MAST4: variants seen among roughly 807,000 people sequenced by gnomAD.
MAST4 encodes microtubule-associated serine/threonine-protein kinase 4.
MAST4 carries 89 observed loss-of-function variants against 162.7 expected under a neutral mutation model. The observed-to-expected ratio is 0.55, with a 90% CI of 0.46 to 0.65. The LOEUF (loss-of-function observed/expected upper bound fraction) is 0.65. Ranked by LOEUF, MAST4 falls within the 30% of genes least tolerant of loss-of-function variation. The probability of loss-of-function intolerance (pLI) is 0.00; values close to 1 mark genes in which losing one functional copy is unlikely to be tolerated. For missense variants in MAST4, 3,153 were observed against 3,374.0 expected (o/e 0.93, Z 1.62); for synonymous variants, 1,479 against 1,361.1 (o/e 1.09, Z -1.91).
intron 1 of MAST4, among the ~76,000 whole-genome samples, chr5:66,737,521 A>C (rs748972099): frequency 8.5e-5 from 13 of 152,178 alleles, no homozygotes; most frequent in Non-Finnish European, 1.8e-4. Context: ...TTGTCTGCCT[A>C]TTATAAGATC....
At chr5:66,823,721 C>A (rs955726724) in intron 3 of MAST4, among the ~76,000 whole-genome samples, 6 of 152,158 alleles carry the variant, frequency 3.9e-5, no homozygotes, top group African/African-American at 1.2e-4. Flanking sequence ...TCTCGAACTC[C>A]TGACCTCAGG....
At chr5:66,926,404 C>T (rs865973332) in intron 4 of MAST4, among the ~76,000 whole-genome samples, 5 of 151,884 alleles carry the variant, frequency 3.3e-5, no homozygotes, top group African/African-American at 7.3e-5. Flanking sequence ...AAAAATTAGC[C>T]GGCATGGTGG....
At chr5:66,878,851 C>T (rs1462569838) in intron 3 of MAST4, among the ~76,000 whole-genome samples, 2 of 152,122 alleles carry the variant, frequency 1.3e-5, no homozygotes, top group African/African-American at 4.8e-5. Context: ...TCTCCGTTGG[C>T]TTTAAGAAGA....
intron 1 of MAST4, among the ~76,000 whole-genome samples, chr5:66,693,244 T>C (rs1242743432): frequency 6.6e-6 from 1 of 152,192 alleles, no homozygotes; most frequent in Non-Finnish European, 1.5e-5. Context: ...ATCACATGAA[T>C]TATAAATGTT....
intron 5 of MAST4, among the ~76,000 whole-genome samples, chr5:67,088,531 A>C (rs945520974): frequency 6.6e-6 from 1 of 152,198 alleles, no homozygotes; most frequent in Non-Finnish European, 1.5e-5. Flanking sequence ...TTTTTAAAGG[A>C]ATATGAGGAG....
intron 1 of MAST4, 89 bp from the exon 2 acceptor site, chr5:66,759,620 G>T: frequency 6.7e-7 from 1 of 1,490,642 alleles, no homozygotes; most frequent in South Asian, 1.3e-5. Flanking sequence ...AGAAGGAAAA[G>T]AAAGGAAGAA....
At chr5:66,887,973 C>T (rs1236199927) in intron 3 of MAST4, among the ~76,000 whole-genome samples, 4 of 151,940 alleles carry the variant, frequency 2.6e-5, no homozygotes, top group African/African-American at 7.2e-5. Context: ...CTTTGGGAGG[C>T]CGAGGCGGGC....
In MAST4 at chr5:66,733,606, C is replaced by T. The variant is rs142272121; in HGVS notation, c.364-26103C>T. On this transcript the variant is annotated intron_variant, in intron 1 of 28. Transcript: ENST00000403625. ...CCAAGTAGTGGGGATTACAGGCGCC[C>T]GCCACCACGCCCAGATAAGTTTTTG... 3.4e-3 allele frequency among the ~76,000 whole-genome samples: 523 copies of T among 152,112 alleles called. 7 individuals are homozygous for T. The highest frequency in any genetic ancestry group is 0.012 in the African/African-American group (494 of 41,488).
intron 3 of MAST4, among the ~76,000 whole-genome samples, chr5:66,888,426 G>A (rs1027999011): frequency 5.5e-4 from 83 of 152,172 alleles, no homozygotes; most frequent in African/African-American, 2.0e-3. Flanking sequence ...TTTCAGAATA[G>A]GGACTGCTAG....
At chr5:67,124,679 T>C (rs956090546) in intron 14 of MAST4, among the ~76,000 whole-genome samples, 10 of 152,216 alleles carry the variant, frequency 6.6e-5, no homozygotes, top group Non-Finnish European at 1.5e-5. Flanking sequence ...GAGGCAGCGA[T>C]ATCTCAAGCT....
chr5:66,718,881 G>A (rs1374511872), intron 1 of MAST4, among the ~76,000 whole-genome samples: 2 of 152,150 alleles, frequency 1.3e-5, no homozygotes, highest in Non-Finnish European at 2.9e-5. Flanking sequence ...TCTGCATTTT[G>A]AAAGCATGAC....
chr5:66,752,960 C>T (rs1186830515), intron 1 of MAST4, among the ~76,000 whole-genome samples: 1 of 151,180 alleles, frequency 6.6e-6, no homozygotes, highest in African/African-American at 2.4e-5. Flanking sequence ...TCTCTCAGAC[C>T]ACAGTGCAAT....
At chr5:67,055,811 A>T (rs978530013) in intron 5 of MAST4, among the ~76,000 whole-genome samples, 82 of 152,090 alleles carry the variant, frequency 5.4e-4, no homozygotes, top group Admixed American at 8.5e-4. Context: ...CACTTGGAAA[A>T]TGGATAAATG....
chr5:66,910,343 T>A (rs1763660034), intron 4 of MAST4, among the ~76,000 whole-genome samples: 1 of 152,224 alleles, frequency 6.6e-6, no homozygotes, highest in Non-Finnish European at 1.5e-5. Flanking sequence ...TGGTCCCAGC[T>A]GCAGTAACTG....
Position 66,931,874 on chromosome 5 carries a change from T to C in MAST4, c.674+31892T>C, listed in dbSNP as rs1218385331. Reference sequence around the variant, plus strand: ...GACACCTGGTGATCCCGTAGTGTGATCTCACCAAAGCTTTAAAAGTACATG... The same window carrying C: ...GACACCTGGTGATCCCGTAGTGTGACCTCACCAAAGCTTTAAAAGTACATG... On this transcript the variant is annotated intron_variant, in intron 4 of 28. Transcript: ENST00000403625. Among the ~76,000 whole-genome samples the C allele has an allele frequency of 3.9e-5, 6 of 152,146 alleles. No homozygotes were observed. In the East Asian group the frequency reaches 9.6e-4, roughly 24 times the overall value.
intron 5 of MAST4, among the ~76,000 whole-genome samples, chr5:67,077,448 A>G (rs1344903908): frequency 6.6e-6 from 1 of 152,164 alleles, no homozygotes; most frequent in African/African-American, 2.4e-5. Flanking sequence ...CGCCTGGAGT[A>G]CTTGATAAAA....
intron 24 of MAST4, among the ~76,000 whole-genome samples, chr5:67,150,799 C>T (rs1275632568): frequency 6.6e-6 from 1 of 152,184 alleles, no homozygotes; most frequent in Non-Finnish European, 1.5e-5. Flanking sequence ...CAGCATGCAT[C>T]TCTTCCCCTG....
chr5:66,859,642 G>T (rs1759946901), intron 3 of MAST4, among the ~76,000 whole-genome samples: 1 of 152,230 alleles, frequency 6.6e-6, no homozygotes, highest in African/African-American at 2.4e-5. Flanking sequence ...ACTGAGGAAT[G>T]AATTAAATGT....
chr5:66,685,067 G>C (rs1748558817), intron 1 of MAST4, among the ~76,000 whole-genome samples: 1 of 152,108 alleles, frequency 6.6e-6, no homozygotes, highest in Non-Finnish European at 1.5e-5. Context: ...TTCAAGACCA[G>C]CCTGGGCAAC....
Sources: allele counts gnomAD v4.1 joint callset (sites outside exome capture counted in the v4.1 genomes callset), GRCh38; gene constraint gnomAD v4.1.1; transcripts MANE v1.5; gene names NCBI Gene and HGNC (gene_info 2026-07-23, HGNC 2026-07-21).